Variants in CTNNA1 observed in about 807,000 individuals in gnomAD.
CTNNA1 encodes catenin alpha 1.
In CTNNA1, 37 loss-of-function variants were observed where a neutral mutation model predicts 98.4. The observed-to-expected ratio is 0.38, with a 90% CI of 0.29 to 0.49. The LOEUF is 0.49. Ranked by LOEUF, CTNNA1 falls within the 20% of genes least tolerant of loss-of-function variation. The pLI, the probability that CTNNA1 is intolerant of heterozygous loss-of-function variation, is 0.95. For synonymous variants in CTNNA1, 404 were observed against 413.2 expected (o/e 0.98, Z 0.27); for missense variants, 761 against 1,147.2 (o/e 0.66, Z 4.86).
intron 3 of CTNNA1, among the ~76,000 whole-genome samples, chr5:138,801,770 A>T (rs889995115): frequency 1.3e-5 from 2 of 152,244 alleles, no homozygotes; most frequent in African/African-American, 4.8e-5. Flanking sequence ...ATTATTCAAC[A>T]CAACAAAGAT....
At chr5:138,865,047 C>G (rs891713476) in intron 7 of CTNNA1, among the ~76,000 whole-genome samples, 1 of 151,992 alleles carries the variant, frequency 6.6e-6, no homozygotes, top group African/African-American at 2.4e-5. Context: ...CTCCTGACCT[C>G]GTGATCCACC....
intron 1 of CTNNA1, among the ~76,000 whole-genome samples, chr5:138,768,561 T>C (rs1364107031): frequency 1.6e-5 from 2 of 128,320 alleles, no homozygotes; most frequent in East Asian, 2.4e-4. Context: ...GGTGTCTGTT[T>C]TTTTTTTTTT....
At chr5:138,830,558 G>A (rs1347345599) in intron 7 of CTNNA1, among the ~76,000 whole-genome samples, 2 of 152,212 alleles carry the variant, frequency 1.3e-5, no homozygotes, top group Non-Finnish European at 2.9e-5. Context: ...GAGCACACTT[G>A]AAGAAAGCTT....
intron 9 of CTNNA1, among the ~76,000 whole-genome samples, chr5:138,891,617 G>C (rs543818874): frequency 6.6e-6 from 1 of 152,080 alleles, no homozygotes; most frequent in Non-Finnish European, 1.5e-5. Context: ...AAAATTAGCC[G>C]GGCATGGTGG....
chr5:138,882,385 G>C (rs1753102235), intron 7 of CTNNA1, among the ~76,000 whole-genome samples: 2 of 152,166 alleles, frequency 1.3e-5, no homozygotes, highest in South Asian at 4.1e-4. Flanking sequence ...AGTGACCATA[G>C]GTTCATTAAA....
At chr5:138,823,744 T>C (rs1484053510) in intron 5 of CTNNA1, among the ~76,000 whole-genome samples, 1 of 151,578 alleles carries the variant, frequency 6.6e-6, no homozygotes, top group Non-Finnish European at 1.5e-5. Flanking sequence ...GATCACGAGG[T>C]CAGGAGATCG....
chr5:138,925,448 T>C (rs1018539260), intron 13 of CTNNA1, 41 bp downstream of exon 13: 1 of 1,598,300 alleles, frequency 6.3e-7, no homozygotes, highest in Non-Finnish European at 8.5e-7. Context: ...GCTTCTTTCT[T>C]ATCATTTGCT....
intron 9 of CTNNA1, among the ~76,000 whole-genome samples, chr5:138,898,161 C>T: frequency 7.0e-6 from 1 of 142,272 alleles, no homozygotes; most frequent in South Asian, 2.6e-4. Context: ...CTCCCCCACC[C>T]CCCCCCACCC....
At chr5:138,808,909 C>T (rs1046119345) in intron 3 of CTNNA1, among the ~76,000 whole-genome samples, 2 of 151,962 alleles carry the variant, frequency 1.3e-5, no homozygotes, top group African/African-American at 2.4e-5. Context: ...TGGCAATGGG[C>T]ACTGTAAATA....
intron 5 of CTNNA1, among the ~76,000 whole-genome samples, chr5:138,822,835 C>G (rs928477344): frequency 6.6e-6 from 1 of 152,110 alleles, no homozygotes; most frequent in Non-Finnish European, 1.5e-5. Context: ...AATAAAGATG[C>G]AAACCTAAAT....
intron 5 of CTNNA1, among the ~76,000 whole-genome samples, chr5:138,814,269 A>T (rs1171866358): frequency 1.7e-4 from 25 of 145,204 alleles, no homozygotes; most frequent in African/African-American, 6.2e-4. Context: ...TTTTTTTGAG[A>T]TGGAGTTTCG....
chr5:138,760,836 A>C (rs749277668), intron 1 of CTNNA1, among the ~76,000 whole-genome samples: 5 of 152,116 alleles, frequency 3.3e-5, no homozygotes, highest in Middle Eastern at 3.2e-3. Flanking sequence ...GAGTACTTGA[A>C]GTGGTGTGAC....
At chr5:138,919,373 C>A (rs944054747) in intron 11 of CTNNA1, among the ~76,000 whole-genome samples, 2 of 152,150 alleles carry the variant, frequency 1.3e-5, no homozygotes, top group African/African-American at 2.4e-5. Flanking sequence ...TTGGGTATGT[C>A]TCAGGCTTGG....
At chr5:138,877,790 C>T (rs1235244133) in intron 7 of CTNNA1, among the ~76,000 whole-genome samples, 5 of 152,126 alleles carry the variant, frequency 3.3e-5, no homozygotes, top group East Asian at 1.9e-4. Flanking sequence ...TTGTAAATGC[C>T]CTTATTGAAG....
chr5:138,896,866 A>G (rs561626919), intron 9 of CTNNA1, among the ~76,000 whole-genome samples: 8 of 152,270 alleles, frequency 5.3e-5, no homozygotes, highest in East Asian at 1.9e-4. Context: ...CTTTTTGTCA[A>G]TAACGCAGTA....
intron 10 of CTNNA1, among the ~76,000 whole-genome samples, chr5:138,907,959 C>G (rs1235575964): frequency 1.3e-5 from 2 of 151,402 alleles, no homozygotes; most frequent in Non-Finnish European, 2.9e-5. Context: ...CCCCATGCCC[C>G]CCATCCGCCC....
At chr5:138,892,284 AGAAAAAGAATATAAAATATG>A (rs1169616317) in intron 9 of CTNNA1, among the ~76,000 whole-genome samples, 5 of 151,706 alleles carry the variant, frequency 3.3e-5, no homozygotes, top group East Asian at 1.9e-4. Flanking sequence ...GATGTGATAT[AGAAAAAGAATATAAAATATG>A]GAAAAAGAAT....
chr5:138,810,224 T>A lies in CTNNA1; in HGVS notation c.468+20T>A, dbSNP rs2149727729. On this transcript the variant is annotated intron_variant, in intron 4 of 17. Coordinates refer to ENST00000302763, the MANE Select transcript of CTNNA1 (RefSeq NM_001903.5). ...AAAGTTGTAAGTATACAGGCCTATG[T>A]CTGTAATTTGTTCTATCACAGGAAG... 1.2e-6 allele frequency: 2 copies of A among 1,601,716 alleles called. No homozygotes were observed. The highest frequency in any genetic ancestry group is 1.7e-6 in the Non-Finnish European group (2 of 1,169,338).
intron 11 of CTNNA1, among the ~76,000 whole-genome samples, chr5:138,918,868 G>A (rs962519663): frequency 6.6e-6 from 1 of 152,304 alleles, no homozygotes; most frequent in Middle Eastern, 3.4e-3. Flanking sequence ...GGGCTAGAAC[G>A]TGGCAGTAGG....
Sources: allele counts gnomAD v4.1 joint callset (sites outside exome capture counted in the v4.1 genomes callset), GRCh38; gene constraint gnomAD v4.1.1; transcripts MANE v1.5; gene names NCBI Gene and HGNC (gene_info 2026-07-23, HGNC 2026-07-21).